Variants in MTCL3 observed in about 807,000 individuals in gnomAD.
MTCL3 encodes the protein microtubule cross-linking factor 3.
At chr6:127,515,883 A>C in the MTCL3 span, 1 of 1,609,866 alleles carries the variant, frequency 6.2e-7, no homozygotes, top group Non-Finnish European at 8.5e-7. This position sits in a 1 kb window ranked among gnomAD's most constrained non-coding sequence, Gnocchi z 4.3. Flanking sequence ...TCCCTCCACC[A>C]CCGCTGCCGC....
At chr6:127,478,213 T>C in the MTCL3 span, among the ~76,000 whole-genome samples, 4 of 152,276 alleles carry the variant, frequency 2.6e-5, no homozygotes, top group African/African-American at 9.6e-5. Context: ...CCCTGAATTT[T>C]TGAGTTGAGG....
chr6:127,504,676 G>C, the MTCL3 span, among the ~76,000 whole-genome samples: 6 of 152,088 alleles, frequency 3.9e-5, no homozygotes, highest in Non-Finnish European at 7.4e-5. Context: ...GGTTAATTGA[G>C]GTCTTTTCTG....
the MTCL3 span, among the ~76,000 whole-genome samples, chr6:127,504,522 C>T: frequency 6.6e-6 from 1 of 152,108 alleles, no homozygotes; most frequent in African/African-American, 2.4e-5. Flanking sequence ...GGGAGCAAGG[C>T]CATTCACAGG....
chr6:127,491,492 G>C, the MTCL3 span, among the ~76,000 whole-genome samples: 2 of 152,034 alleles, frequency 1.3e-5, no homozygotes, highest in East Asian at 3.9e-4. Flanking sequence ...TTAAAATTAA[G>C]GTATATACTT....
chr6:127,515,780 G>A, the MTCL3 span: 1 of 1,606,842 alleles, frequency 6.2e-7, no homozygotes, highest in African/African-American at 1.3e-5. This position sits in a 1 kb window ranked among gnomAD's most constrained non-coding sequence, Gnocchi z 4.3. Context: ...TTCTTAGCGT[G>A]CATCTGAGCC....
chr6:127,504,398 A>G, the MTCL3 span, among the ~76,000 whole-genome samples: 1 of 152,178 alleles, frequency 6.6e-6, no homozygotes, highest in Non-Finnish European at 1.5e-5. Flanking sequence ...CCTTATACAT[A>G]TTATATATAT....
chr6:127,510,142 T>G, the MTCL3 span, among the ~76,000 whole-genome samples: 7 of 152,214 alleles, frequency 4.6e-5, no homozygotes, highest in African/African-American at 1.7e-4. Flanking sequence ...TAATAAAAGA[T>G]TACTTTAAAG....
the MTCL3 span, among the ~76,000 whole-genome samples, chr6:127,507,842 C>CAAAAAAAAAAA: frequency 4.0e-4 from 33 of 82,078 alleles, no homozygotes; most frequent in Non-Finnish European, 5.0e-4. Flanking sequence ...GACTATGTCT[C>CAAAAAAAAAAA]AAAAAAAAAA....
chr6:127,514,338 G>T, the MTCL3 span, among the ~76,000 whole-genome samples: 1 of 152,224 alleles, frequency 6.6e-6, no homozygotes, highest in East Asian at 1.9e-4. Flanking sequence ...GAAGAAGGAA[G>T]TGGAGTGGAC....
chr6:127,507,842 CAAAAAAAAAAAAAAAAA>C, the MTCL3 span, among the ~76,000 whole-genome samples: 2 of 82,088 alleles, frequency 2.4e-5, no homozygotes, highest in South Asian at 4.9e-4. Context: ...GACTATGTCT[CAAAAAAAAAAAAAAAAA>C]AAAAAAAAAA....
the MTCL3 span, chr6:127,515,180 A>T: frequency 2.6e-5 from 22 of 854,416 alleles, no homozygotes; most frequent in East Asian, 5.3e-4. This position sits in a 1 kb window ranked among gnomAD's most constrained non-coding sequence, Gnocchi z 4.3. Context: ...AGGAGTGACA[A>T]GGAGCTGAGT....
the MTCL3 span, among the ~76,000 whole-genome samples, chr6:127,507,620 G>C: frequency 1.3e-5 from 2 of 151,828 alleles, no homozygotes; most frequent in African/African-American, 4.8e-5. Context: ...GAGGTGGGCG[G>C]ATCACAAGAT....
chr6:127,472,985 A>C, the MTCL3 span: 1 of 527,542 alleles, frequency 1.9e-6, no homozygotes. Flanking sequence ...TTTTATATTC[A>C]GTATGCCAAT....
chr6:127,478,123 T>C, the MTCL3 span, among the ~76,000 whole-genome samples: 4 of 152,038 alleles, frequency 2.6e-5, no homozygotes, highest in Admixed American at 2.6e-4. Context: ...ATGGAAAGCT[T>C]TGATGGAAGA....
At chr6:127,516,442 C>T in the MTCL3 span, 3 of 1,599,826 alleles carry the variant, frequency 1.9e-6, no homozygotes, top group Non-Finnish European at 2.5e-6. Flanking sequence ...CACTGGGGAC[C>T]GGGTGGCCGC....
chr6:127,506,769 C>T, the MTCL3 span, among the ~76,000 whole-genome samples: 1 of 151,830 alleles, frequency 6.6e-6, no homozygotes, highest in Admixed American at 6.6e-5. Context: ...TTTAGTAGAA[C>T]GGGGTTTCAC....
chr6:127,513,226 AC>A, the MTCL3 span, among the ~76,000 whole-genome samples: 4 of 152,234 alleles, frequency 2.6e-5, no homozygotes, highest in African/African-American at 9.6e-5. Context: ...GTTTAACCCT[AC>A]AAAAATCCCA....
the MTCL3 span, among the ~76,000 whole-genome samples, chr6:127,500,504 T>C: frequency 6.6e-6 from 1 of 151,968 alleles, no homozygotes; most frequent in African/African-American, 2.4e-5. Context: ...TAGCATTGAA[T>C]TGTTTGAATA....
the MTCL3 span, among the ~76,000 whole-genome samples, chr6:127,496,074 C>T: frequency 6.6e-6 from 1 of 151,892 alleles, no homozygotes; most frequent in Admixed American, 6.6e-5. Context: ...TACTAAAATA[C>T]AAAAAACTAG....
Sources: allele counts gnomAD v4.1 joint callset (sites outside exome capture counted in the v4.1 genomes callset), GRCh38; gene constraint gnomAD v4.1.1; non-coding constraint Gnocchi (gnomAD v3.1); transcripts MANE v1.5; gene names NCBI Gene and HGNC (gene_info 2026-07-23, HGNC 2026-07-21).